Variants in KCNIP4 observed in about 807,000 individuals in gnomAD.
KCNIP4 encodes Kv channel-interacting protein 4.
KCNIP4 carries 12 observed loss-of-function variants against 34.0 expected under a neutral mutation model. The ratio of observed to expected loss-of-function variants is 0.35; its 90% CI spans 0.23 to 0.57. The LOEUF is 0.57. KCNIP4 is among the 20% of genes least tolerant of loss of function. KCNIP4 has a pLI of 0.83. For synonymous variants in KCNIP4, 124 were observed against 102.2 expected, an observed-to-expected ratio of 1.21 and a Z score of -1.29; for missense variants, 238 against 311.7, an observed-to-expected ratio of 0.76 and a Z score of 1.78.
At chr4:20,934,021 G>A (rs1470244680) in intron 1 of KCNIP4, among the ~76,000 whole-genome samples, 1 of 152,196 alleles carries the variant, frequency 6.6e-6, no homozygotes, top group Admixed American at 6.5e-5. Flanking sequence ...TCAAGGATCA[G>A]AAGCAGGTAC....
chr4:21,083,685 A>T (rs1746190478), intron 1 of KCNIP4, among the ~76,000 whole-genome samples: 1 of 151,910 alleles, frequency 6.6e-6, no homozygotes, highest in Admixed American at 6.6e-5. Context: ...CATTAAAAGG[A>T]ATGTGACCCT....
intron 1 of KCNIP4, among the ~76,000 whole-genome samples, chr4:21,563,552 A>G (rs1739619894): frequency 6.6e-6 from 1 of 152,150 alleles, no homozygotes; most frequent in East Asian, 1.9e-4. Flanking sequence ...AAATTAATGA[A>G]TGGGTGCTCT....
At chr4:21,301,525 G>T (rs1385892894) in intron 1 of KCNIP4, among the ~76,000 whole-genome samples, 1 of 152,084 alleles carries the variant, frequency 6.6e-6, no homozygotes, top group African/African-American at 2.4e-5. Flanking sequence ...ACAGAAATAA[G>T]AAAGGTGAAA....
At chr4:21,848,944 A>ATGTGTGTGTGTGTGTG (rs199564603) in intron 1 of KCNIP4, 2 of 57,312 alleles carry the variant, frequency 3.5e-5, no homozygotes, top group African/African-American at 1.3e-4. Context: ...TGATATACAT[A>ATGTGTGTGTGTGTGTG]TATGTGTGTG....
At chr4:20,879,691 G>A (rs948426892) in intron 2 of KCNIP4, among the ~76,000 whole-genome samples, 1 of 152,060 alleles carries the variant, frequency 6.6e-6, no homozygotes, top group African/African-American at 2.4e-5. Flanking sequence ...ACTATAAAAG[G>A]TATATAATTT....
intron 1 of KCNIP4, among the ~76,000 whole-genome samples, chr4:21,570,248 G>A (rs1352919347): frequency 2.6e-5 from 4 of 152,136 alleles, no homozygotes; most frequent in African/African-American, 9.7e-5. Flanking sequence ...GTAGGACTTG[G>A]AACTAATAGC....
At chr4:20,934,631 G>A (rs1042272791) in intron 1 of KCNIP4, among the ~76,000 whole-genome samples, 1 of 152,034 alleles carries the variant, frequency 6.6e-6, no homozygotes, top group Non-Finnish European at 1.5e-5. Context: ...ATACAACAGT[G>A]GATTTTTCTA....
At chr4:21,727,401 A>G (rs1471745664) in intron 1 of KCNIP4, among the ~76,000 whole-genome samples, 1 of 152,176 alleles carries the variant, frequency 6.6e-6, no homozygotes, top group African/African-American at 2.4e-5. Context: ...CAAAAGACAC[A>G]AAATCTTCTG....
intron 1 of KCNIP4, among the ~76,000 whole-genome samples, chr4:21,674,836 G>A (rs1414114571): frequency 2.0e-5 from 3 of 152,082 alleles, no homozygotes; most frequent in African/African-American, 4.8e-5. Context: ...TGCCACACCT[G>A]AGTAACCTTT....
intron 1 of KCNIP4, among the ~76,000 whole-genome samples, chr4:21,242,123 C>G (rs912413003): frequency 2.1e-5 from 3 of 141,632 alleles, no homozygotes; most frequent in African/African-American, 8.3e-5. Context: ...GAGATTGCGC[C>G]ACTGCACTCC....
chr4:21,514,664 G>A (rs1342626138), intron 1 of KCNIP4, among the ~76,000 whole-genome samples: 2 of 151,860 alleles, frequency 1.3e-5, no homozygotes, highest in African/African-American at 2.4e-5. Flanking sequence ...AAATAAAAAC[G>A]GAAAAATTCA....
At chr4:21,212,430 G>T (rs1377777550) in intron 1 of KCNIP4, among the ~76,000 whole-genome samples, 1 of 152,138 alleles carries the variant, frequency 6.6e-6, no homozygotes, top group Non-Finnish European at 1.5e-5. Flanking sequence ...ACAATAGAAT[G>T]CAAAACAAGG....
Position 20,729,255 on chromosome 4 carries a change from T to C in KCNIP4, c.*827A>G, listed in dbSNP as rs1020462874. 15 of 151,964 alleles carry C rather than the reference T, an allele frequency of 9.9e-5. No individual in the cohort carries two copies. Among genetic ancestry groups the C allele is most frequent in the Admixed American group, 7.9e-4 (12 of 15,200 alleles). 9.4% of individuals were successfully genotyped at this position (151,964 alleles called of 1,614,324 possible). On this transcript the variant is annotated 3_prime_UTR_variant, in exon 9 of 9. Transcript: ENST00000382152. The stretch of plus-strand genomic sequence containing the variant: ...TACTGGAGGATAGATATCCTGACCC[T>C]TTGCATATGTCTGTAAACATCCTTG...
At chr4:21,534,324 T>C (rs1323708764) in intron 1 of KCNIP4, among the ~76,000 whole-genome samples, 1 of 152,220 alleles carries the variant, frequency 6.6e-6, no homozygotes, top group East Asian at 1.9e-4. Flanking sequence ...AGTAATATCT[T>C]GTTCTTTAAA....
At chr4:21,771,571 A>G (rs1053519222) in intron 1 of KCNIP4, among the ~76,000 whole-genome samples, 3 of 152,170 alleles carry the variant, frequency 2.0e-5, no homozygotes, top group African/African-American at 7.2e-5. Flanking sequence ...CTTCCTATCC[A>G]TGAGGATGGA....
In KCNIP4 at chr4:21,234,190, T is replaced by TTATATATAACATATATAACG. The variant is rs1577931613; in HGVS notation, c.62-351501_62-351482dup. Among the ~76,000 whole-genome samples the TTATATATAACATATATAACG allele has an allele frequency of 3.8e-4, 33 of 86,050 alleles. 4 individuals are homozygous for TTATATATAACATATATAACG. The highest frequency in any genetic ancestry group is 1.4e-3 in the South Asian group (4 of 2,918). The allele number at this position is 86,050 out of a possible 152,430, so 56.5% of individuals were successfully genotyped here. On this transcript the variant is annotated intron_variant, in intron 1 of 8. Coordinates refer to ENST00000382152, the MANE Select transcript of KCNIP4 (RefSeq NM_025221.6). ...TTATATATAACATATATAACGTATATTATATATAACATATATAACGTATAT... is the reference window on the plus strand; with the variant it reads ...TTATATATAACATATATAACGTATATTATATATAACATATATAACGTATATATAACATATATAACGTATAT...
At chr4:21,512,157 G>A (rs1372489488) in intron 1 of KCNIP4, among the ~76,000 whole-genome samples, 1 of 76,474 alleles carries the variant, frequency 1.3e-5, no homozygotes, top group Non-Finnish European at 2.8e-5. Flanking sequence ...AGCAAGGGAG[G>A]GAGGGAGGGA....
chr4:21,822,629 A>T (rs1722423796), intron 1 of KCNIP4, among the ~76,000 whole-genome samples: 2 of 152,094 alleles, frequency 1.3e-5, no homozygotes, highest in African/African-American at 4.8e-5. Context: ...TGCCCAGCAG[A>T]TGGTTTATGT....
intron 3 of KCNIP4, among the ~76,000 whole-genome samples, chr4:20,802,134 C>CTATA (rs755112824): frequency 7.3e-6 from 1 of 137,486 alleles, no homozygotes; most frequent in African/African-American, 2.7e-5. Context: ...TATATATATG[C>CTATA]TATATATGCT....
Sources: allele counts gnomAD v4.1 joint callset (sites outside exome capture counted in the v4.1 genomes callset), GRCh38; gene constraint gnomAD v4.1.1; transcripts MANE v1.5; gene names NCBI Gene and HGNC (gene_info 2026-07-23, HGNC 2026-07-21).